Variants in LOC728743 observed in about 807,000 individuals in gnomAD.
At chr7:150,404,809 C>G in the LOC728743 span, 1 of 152,350 alleles carries the variant, frequency 6.6e-6, no homozygotes, top group Non-Finnish European at 1.5e-5. Flanking sequence ...TATAGTCAGG[C>G]AGACTTTGGC....
At chr7:150,406,575 A>T in the LOC728743 span, among the ~76,000 whole-genome samples, 3 of 152,138 alleles carry the variant, frequency 2.0e-5, no homozygotes, top group East Asian at 5.8e-4. Flanking sequence ...AAGTATGTTG[A>T]CCTCACTGAG....
the LOC728743 span, chr7:150,411,338 G>C: frequency 6.6e-6 from 1 of 152,584 alleles, no homozygotes; most frequent in Non-Finnish European, 1.5e-5. Flanking sequence ...CTCGCTCCTG[G>C]TGCCTGTGGC....
At chr7:150,400,826 C>G in the LOC728743 span, 1 of 152,226 alleles carries the variant, frequency 6.6e-6, no homozygotes, top group Non-Finnish European at 1.5e-5. Flanking sequence ...AAGTCCAAGA[C>G]AAGATGGTCA....
At chr7:150,404,556 G>A in the LOC728743 span, 1 of 152,248 alleles carries the variant, frequency 6.6e-6, no homozygotes, top group African/African-American at 2.4e-5. Context: ...ATCATAACAT[G>A]GAAAAGGGCT....
At chr7:150,407,703 C>T in the LOC728743 span, 1 of 399,532 alleles carries the variant, frequency 2.5e-6, no homozygotes, top group Non-Finnish European at 4.4e-6. Context: ...ATCCACCACC[C>T]TGCAGAGGAG....
At chr7:150,402,757 GCAGCCCTA>G in the LOC728743 span, among the ~76,000 whole-genome samples, 1 of 152,192 alleles carries the variant, frequency 6.6e-6, no homozygotes, top group African/African-American at 2.4e-5. Flanking sequence ...CCCTAGGGAC[GCAGCCCTA>G]CAGGAGGAGC....
the LOC728743 span, among the ~76,000 whole-genome samples, chr7:150,406,944 C>T: frequency 1.3e-5 from 2 of 152,164 alleles, no homozygotes; most frequent in Admixed American, 1.3e-4. Context: ...TTCAAGTTTA[C>T]AGGGTTGTGT....
At chr7:150,409,276 T>C in the LOC728743 span, among the ~76,000 whole-genome samples, 2 of 152,060 alleles carry the variant, frequency 1.3e-5, no homozygotes, top group African/African-American at 4.8e-5. Context: ...CTCAGACTTA[T>C]GCTTTAGGAG....
the LOC728743 span, among the ~76,000 whole-genome samples, chr7:150,404,236 C>T: frequency 6.6e-6 from 1 of 152,206 alleles, no homozygotes; most frequent in Admixed American, 6.5e-5. Flanking sequence ...AACTTTTCCT[C>T]TCAGGCCTCT....
the LOC728743 span, chr7:150,406,001 A>C: frequency 6.6e-6 from 1 of 152,540 alleles, no homozygotes; most frequent in East Asian, 1.9e-4. Context: ...GGGGAGAGTG[A>C]GGAGGCTGCC....
At chr7:150,402,410 A>G in the LOC728743 span, among the ~76,000 whole-genome samples, 8 of 152,278 alleles carry the variant, frequency 5.3e-5, no homozygotes, top group South Asian at 8.3e-4. Flanking sequence ...CTTGCATTGC[A>G]TCAGCTCTCC....
the LOC728743 span, chr7:150,408,003 G>C: frequency 5.0e-6 from 2 of 398,246 alleles, no homozygotes; most frequent in Non-Finnish European, 8.9e-6. Flanking sequence ...CAGTGCGGCC[G>C]CTGCTTCCGC....
At chr7:150,404,954 T>TC in the LOC728743 span, 3 of 152,336 alleles carry the variant, frequency 2.0e-5, no homozygotes, top group Non-Finnish European at 2.9e-5. Context: ...GGCCGGCGCC[T>TC]CCGTCCGACC....
the LOC728743 span, chr7:150,405,568 C>A: frequency 1.5e-5 from 2 of 130,870 alleles, no homozygotes; most frequent in African/African-American, 6.0e-5. Flanking sequence ...CTGGGGCTTG[C>A]AGTCGGGCGG....
the LOC728743 span, among the ~76,000 whole-genome samples, chr7:150,409,480 C>T: frequency 6.6e-6 from 1 of 152,226 alleles, no homozygotes; most frequent in African/African-American, 2.4e-5. Context: ...GCACGGGCCT[C>T]TTCAGCCTTT....
the LOC728743 span, among the ~76,000 whole-genome samples, chr7:150,402,731 C>G: frequency 6.6e-6 from 1 of 152,058 alleles, no homozygotes; most frequent in Non-Finnish European, 1.5e-5. Flanking sequence ...GGTGGTTGCC[C>G]TGCTGAGTGA....
At chr7:150,408,501 G>A in the LOC728743 span, 2 of 287,090 alleles carry the variant, frequency 7.0e-6, no homozygotes, top group Non-Finnish European at 1.3e-5. Context: ...GAGACCTGCG[G>A]GGCTGGCCAG....
the LOC728743 span, among the ~76,000 whole-genome samples, chr7:150,409,461 C>T: frequency 3.6e-3 from 548 of 152,274 alleles, 4 homozygotes; most frequent in African/African-American, 0.012. Flanking sequence ...TCCAAGCTGG[C>T]GCTCTGAGGC....
At chr7:150,409,459 G>A in the LOC728743 span, among the ~76,000 whole-genome samples, 1 of 152,230 alleles carries the variant, frequency 6.6e-6, no homozygotes. Flanking sequence ...GTTCCAAGCT[G>A]GCGCTCTGAG....
Sources: gnomAD v4.1 joint callset for allele counts (sites outside exome capture counted in the v4.1 genomes callset) on GRCh38, gnomAD v4.1.1 for gene constraint, MANE v1.5 for transcripts.